TEKT5: variants seen among roughly 807,000 people sequenced by gnomAD.
The protein encoded by TEKT5 is tektin 5, also known as tektin-5.
A neutral mutation model predicts 48.7 loss-of-function variants in TEKT5; 52 were observed. That is an observed-to-expected ratio of 1.07 (90% CI 0.86 to 1.35). TEKT5 has a LOEUF of 1.35. Among genes scored for constraint, TEKT5 ranks in the 40% most tolerant of loss-of-function variants. The pLI, the probability that TEKT5 is intolerant of heterozygous loss-of-function variation, is 0.00. For synonymous variants in TEKT5, 318 were observed against 267.6 expected, an observed-to-expected ratio of 1.19 and a Z score of -1.84; for missense variants, 831 against 641.6, an observed-to-expected ratio of 1.30 and a Z score of -3.19.
At chr16:10,663,380 G>T (rs1473178829) in intron 5 of TEKT5, among the ~76,000 whole-genome samples, 1 of 152,212 alleles carries the variant, frequency 6.6e-6, no homozygotes, top group African/African-American at 2.4e-5. Flanking sequence ...TAGGCTTCTG[G>T]ATGTTTTGTG....
chr16:10,672,377 G>A (rs1898563261), intron 5 of TEKT5, among the ~76,000 whole-genome samples: 1 of 151,992 alleles, frequency 6.6e-6, no homozygotes, highest in Non-Finnish European at 1.5e-5. Flanking sequence ...AGGGAACTTG[G>A]GCCCGGAAGT....
intron 5 of TEKT5, among the ~76,000 whole-genome samples, 175 bp from the exon 6 acceptor site, chr16:10,636,093 G>C (rs865794107): frequency 6.6e-6 from 1 of 152,198 alleles, no homozygotes; most frequent in Non-Finnish European, 1.5e-5. Context: ...GAAACCTTGA[G>C]GCTGGGCGCG....
At position 10,694,307 on chromosome 16, in the gene TEKT5, C is replaced by CA. The variant is rs770596625; in HGVS notation, c.564+2dup. On this transcript the variant is annotated splice_region_variant and intron_variant, in intron 1 of 6. Coordinates refer to ENST00000283025, the MANE Select transcript of TEKT5 (RefSeq NM_144674.2). ...ACAGCCCTGTCCCCACCCCTGTACT[C>CA]ACCTGCAATGGGCAGTTCACCTCAT... 3.8e-5 allele frequency: 61 copies of CA among 1,585,772 alleles called. No homozygotes were observed. Among genetic ancestry groups the CA allele is most frequent in the Non-Finnish European group, 5.1e-5 (60 of 1,165,538 alleles).
intron 5 of TEKT5, among the ~76,000 whole-genome samples, chr16:10,669,435 G>A (rs530896446): frequency 2.9e-4 from 44 of 152,218 alleles, no homozygotes; most frequent in Non-Finnish European, 2.6e-4. Context: ...CTCCAGCCTG[G>A]GCAACAAAGA....
intron 5 of TEKT5, among the ~76,000 whole-genome samples, chr16:10,663,158 A>G (rs12931842): frequency 0.43 from 65,322 of 151,690 alleles, 14,786 homozygotes; most frequent in East Asian, 0.64. Context: ...CTCAGATAAA[A>G]CCAACCTCGG....
chr16:10,684,598 C>T (rs962677029), intron 3 of TEKT5, among the ~76,000 whole-genome samples: 3 of 152,138 alleles, frequency 2.0e-5, no homozygotes, highest in African/African-American at 7.2e-5. Flanking sequence ...GGGCCCTGTC[C>T]TGCCTAATGA....
intron 5 of TEKT5, among the ~76,000 whole-genome samples, chr16:10,641,421 G>C (rs894650412): frequency 1.3e-5 from 2 of 152,136 alleles, no homozygotes; most frequent in Non-Finnish European, 2.9e-5. Flanking sequence ...TTCCAAGGGA[G>C]AGGAAAATAC....
At chr16:10,667,324 G>C (rs1252037709) in intron 5 of TEKT5, among the ~76,000 whole-genome samples, 1 of 152,230 alleles carries the variant, frequency 6.6e-6, no homozygotes, top group East Asian at 1.9e-4. Context: ...CCTACACAGT[G>C]AACTGTAACC....
chr16:10,647,735 C>T (rs1356031171), intron 5 of TEKT5, among the ~76,000 whole-genome samples: 3 of 152,184 alleles, frequency 2.0e-5, no homozygotes, highest in Non-Finnish European at 4.4e-5. Flanking sequence ...TCTCCTGGGT[C>T]TGGGAAAGGA....
intron 5 of TEKT5, among the ~76,000 whole-genome samples, chr16:10,640,328 G>A (rs1897976677): frequency 6.6e-6 from 1 of 152,044 alleles, no homozygotes; most frequent in Admixed American, 6.6e-5. Flanking sequence ...TGCCCAGGCT[G>A]GTCTCAAACT....
At chr16:10,643,284 T>C (rs1898021640) in intron 5 of TEKT5, among the ~76,000 whole-genome samples, 1 of 150,944 alleles carries the variant, frequency 6.6e-6, no homozygotes, top group Admixed American at 6.6e-5. Context: ...AAGGCTGAGG[T>C]GAGAGGATGG....
At chr16:10,690,112 A>G (rs1352599211) in intron 1 of TEKT5, 87 bp from the exon 2 acceptor site, 4 of 1,425,612 alleles carry the variant, frequency 2.8e-6, no homozygotes, top group Non-Finnish European at 3.9e-6. Context: ...CCTTGCCACA[A>G]TCTGTTCCTT....
chr16:10,655,868 C>T (rs1414049403), intron 5 of TEKT5, among the ~76,000 whole-genome samples: 1 of 152,174 alleles, frequency 6.6e-6, no homozygotes, highest in Non-Finnish European at 1.5e-5. Flanking sequence ...AGCCATCTTG[C>T]AACCCAAGAT....
At chr16:10,667,335 T>G (rs1291742654) in intron 5 of TEKT5, among the ~76,000 whole-genome samples, 2 of 152,162 alleles carry the variant, frequency 1.3e-5, no homozygotes, top group African/African-American at 4.8e-5. Flanking sequence ...AACTGTAACC[T>G]AACTGGATGT....
chr16:10,687,573 C>G (rs950432127), intron 3 of TEKT5, among the ~76,000 whole-genome samples: 1 of 152,158 alleles, frequency 6.6e-6, no homozygotes. Context: ...GCCAACATGG[C>G]AAAACACTGT....
At chr16:10,638,922 A>T (rs138671779) in intron 5 of TEKT5, among the ~76,000 whole-genome samples, 173 of 152,342 alleles carry the variant, frequency 1.1e-3, no homozygotes, top group African/African-American at 4.1e-3. Flanking sequence ...AATTAATTCA[A>T]CATTTGTTCA....
At chr16:10,659,591 G>A (rs933328568) in intron 5 of TEKT5, among the ~76,000 whole-genome samples, 2 of 152,128 alleles carry the variant, frequency 1.3e-5, no homozygotes, top group Non-Finnish European at 2.9e-5. Context: ...ATGTTAGCCT[G>A]ACCTCGTGAT....
rs1480537436 is a variant in TEKT5 at position 10,690,032 on chromosome 16, G to A, written c.565-7C>T. On this transcript the variant is annotated splice_polypyrimidine_tract_variant and splice_region_variant and intron_variant, in intron 1 of 6. Coordinates refer to ENST00000283025, the MANE Select transcript of TEKT5 (RefSeq NM_144674.2). ...ACAGACACTCCAAGGCCACCTGTGGGAAGCAGCAGAAAGAACGTATTCTTC... is the reference window on the plus strand; with the variant it reads ...ACAGACACTCCAAGGCCACCTGTGGAAAGCAGCAGAAAGAACGTATTCTTC... 6.2e-7 allele frequency: 1 copy of A among 1,613,858 alleles called. No individual in the cohort carries two copies. The highest frequency in any genetic ancestry group is 8.5e-7 in the Non-Finnish European group (1 of 1,179,978).
intron 4 of TEKT5, 36 bp downstream of exon 4, chr16:10,681,957 C>G: frequency 6.2e-7 from 1 of 1,604,492 alleles, no homozygotes; most frequent in Non-Finnish European, 8.5e-7. Flanking sequence ...TCCAGTTGGA[C>G]ACGCCAGGGA....
Sources: allele counts gnomAD v4.1 joint callset (sites outside exome capture counted in the v4.1 genomes callset), GRCh38; gene constraint gnomAD v4.1.1; transcripts MANE v1.5; gene names NCBI Gene and HGNC (gene_info 2026-07-23, HGNC 2026-07-21).